The following SLC6A19 variants were observed in gnomAD, a reference collection of about 807,000 sequenced individuals.
The protein encoded by SLC6A19 is sodium-dependent neutral amino acid transporter B(0)AT1.
A neutral mutation model predicts 68.3 loss-of-function variants in SLC6A19; 67 were observed. That is an observed-to-expected ratio of 0.98 (90% CI 0.81 to 1.20). The LOEUF is 1.20. Ranked by LOEUF, SLC6A19 falls within the 50% of genes most tolerant of loss-of-function variation. The pLI is 0.00. For missense variants in SLC6A19, 813 were observed against 851.6 expected (o/e 0.95, Z 0.56); for synonymous variants, 392 against 374.9 (o/e 1.05, Z -0.53).
In SLC6A19 at chr5:1,215,786, T is replaced by C. The variant is rs1289809903; in HGVS notation, c.888-772T>C. ...TTGCTGCGTCATGCTGGCCTCTACA[T>C]GCAGTCCTTCGAGGAGCTGTCAGGC... On this transcript the variant is annotated intron_variant, in intron 6 of 11. Transcript: ENST00000304460. This position sits in a 1 kb window ranked among gnomAD's most constrained non-coding sequence, Gnocchi z 5.1. Among the ~76,000 whole-genome samples the C allele has an allele frequency of 6.6e-6, 1 of 152,222 alleles. No individual in the cohort carries two copies. The highest frequency in any genetic ancestry group is 1.5e-5 in the Non-Finnish European group (1 of 68,038).
Position 1,221,865 on chromosome 5 carries a change from A to G in SLC6A19, c.1866A>G (p.Thr622=), listed in dbSNP as rs546913497. ...GGGACCATCAGGGGCTGGTGAGCAC[A>G]CTGTCCACAGCCTCCATGAACGGGG... ...KPGDHQGLVS[T]LSTASMNGDL... is the part of the protein sequence containing the mutation. Residue 622 remains threonine, a synonymous_variant, in exon 12 of 12, where the codon ACA becomes ACG. Transcript: ENST00000304460. 6.3e-5 allele frequency: 102 copies of G among 1,614,188 alleles called. No homozygotes were observed. The highest frequency in any genetic ancestry group is 8.1e-5 in the Non-Finnish European group (96 of 1,180,038).
Position 1,209,277 on chromosome 5 carries a change from C to T in SLC6A19, c.343+391C>T, listed in dbSNP as rs1215494710. On this transcript the variant is annotated intron_variant, in intron 2 of 11. Transcript: ENST00000304460. The surrounding 1 kb of genome is among the most constrained non-coding windows in gnomAD (Gnocchi z 5.5). ...GTGAGGAGGTCCCCAGCACTGACACCCCCAGACATAGTCACTCATTTATAA... is the reference window on the plus strand; with the variant it reads ...GTGAGGAGGTCCCCAGCACTGACACTCCCAGACATAGTCACTCATTTATAA... 6.6e-6 allele frequency among the ~76,000 whole-genome samples: 1 copy of T among 152,158 alleles called. No homozygotes were observed. The highest frequency in any genetic ancestry group is 1.5e-5 in the Non-Finnish European group (1 of 68,020).
In SLC6A19 at chr5:1,214,011, CCTT is replaced by C. The variant is rs1188882343; in HGVS notation, c.836_838del (p.Phe279del). ...GACGCGGGCGCACAGGTCTTCTTCTCCTTCTCCCTGGCCTTCGGGGGCCTCATC... is the reference window on the plus strand; with the variant it reads ...GACGCGGGCGCACAGGTCTTCTTCTCCTCCCTGGCCTTCGGGGGCCTCATC... On this transcript the variant is annotated inframe_deletion, in exon 6 of 12. Coordinates refer to ENST00000304460, the MANE Select transcript of SLC6A19 (RefSeq NM_001003841.3). The surrounding 1 kb of genome is among the most constrained non-coding windows in gnomAD (Gnocchi z 7.4). 17 of 1,613,660 alleles carry C rather than the reference CCTT, an allele frequency of 1.1e-5. No homozygotes were observed. The highest frequency in any genetic ancestry group is 4.5e-5 in the East Asian group (2 of 44,894).
At chr5:1,217,951 G>T (rs1746252815) in intron 8 of SLC6A19, among the ~76,000 whole-genome samples, 1 of 152,140 alleles carries the variant, frequency 6.6e-6, no homozygotes, top group Non-Finnish European at 1.5e-5. Context: ...TCATGGCAGG[G>T]CTGCCCTCGG....
chr5:1,214,113 G>A lies in SLC6A19; in HGVS notation c.887+48G>A, dbSNP rs775916775. 6 of 1,612,748 alleles carry A rather than the reference G, an allele frequency of 3.7e-6. No individual in the cohort carries two copies. Among genetic ancestry groups the A allele is most frequent in the African/African-American group, 1.3e-5 (1 of 75,044 alleles). The stretch of plus-strand genomic sequence containing the variant: ...TCAGTTTCCCTCTCAGTCCTGGGGG[G>A]ATCTTGCTGGGAGGATAAAAGACAA... On this transcript the variant is annotated intron_variant, in intron 6 of 11. Coordinates refer to ENST00000304460, the MANE Select transcript of SLC6A19 (RefSeq NM_001003841.3). This position sits in a 1 kb window ranked among gnomAD's most constrained non-coding sequence, Gnocchi z 7.4.
intron 8 of SLC6A19, among the ~76,000 whole-genome samples, chr5:1,218,005 G>GCCCCTCCTCC (rs1554035168): frequency 6.7e-6 from 1 of 149,424 alleles, no homozygotes; most frequent in Non-Finnish European, 1.5e-5. Context: ...CTCCATCCTG[G>GCCCCTCCTCC]CGCCTCCTCC....
rs997686384 is a variant in SLC6A19, at chr5:1,209,455, G to A, written c.343+569G>A. ...TGAGTCCAGGAAGCACCTGCCCTTC[G>A]GAAGCCTGCAGGCCTGGAGCAGAGC... On this transcript the variant is annotated intron_variant, in intron 2 of 11. Transcript: ENST00000304460. The surrounding 1 kb of genome is among the most constrained non-coding windows in gnomAD (Gnocchi z 5.5). Among the ~76,000 whole-genome samples the A allele has an allele frequency of 2.0e-5, 3 of 152,040 alleles. No homozygotes were observed. Among genetic ancestry groups the A allele is most frequent in the African/African-American group, 7.3e-5 (3 of 41,378 alleles).
Position 1,212,406 on chromosome 5 carries a change from G to T in SLC6A19, c.585G>T (p.Trp195Cys). The change falls in exon 4 of 12, where the codon TGG (tryptophan) becomes TGT (cysteine). Residue 195 changes from tryptophan to cysteine, a missense_variant. Coordinates refer to ENST00000304460, the MANE Select transcript of SLC6A19 (RefSeq NM_001003841.3). This position sits in a 1 kb window ranked among gnomAD's most constrained non-coding sequence, Gnocchi z 5.1. ...TSISDSGSIQ[W>C]WMLLCLACAW... is the part of the protein sequence containing the mutation. ...TCAGCGACTCGGGCTCCATCCAGTG[G>T]TGGATGCTGCTGTGCCTGGCCTGCG... is the stretch of plus-strand genomic sequence containing the variant. 1 of 1,612,996 alleles carries T rather than the reference G, an allele frequency of 6.2e-7. No individual in the cohort carries two copies. The highest frequency in any genetic ancestry group is 1.7e-4 in the Middle Eastern group (1 of 6,060).
At chr5:1,216,108 G>A (rs1746199336) in intron 6 of SLC6A19, among the ~76,000 whole-genome samples, 1 of 152,212 alleles carries the variant, frequency 6.6e-6, no homozygotes, top group Admixed American at 6.5e-5. Flanking sequence ...ACTGAGCACA[G>A]GGTGCCTTTA....
rs1746085168 is a variant in SLC6A19, at chr5:1,212,941, C to T, written c.663+457C>T. ...GCCTGTGAGGCCCTGTCCCCGTTCCCACTCGTCCCACATGCCCCCCACCAC... is the reference window on the plus strand; with the variant it reads ...GCCTGTGAGGCCCTGTCCCCGTTCCTACTCGTCCCACATGCCCCCCACCAC... On this transcript the variant is annotated intron_variant, in intron 4 of 11. Transcript: ENST00000304460. The surrounding 1 kb of genome is among the most constrained non-coding windows in gnomAD (Gnocchi z 5.1). 6.6e-6 allele frequency among the ~76,000 whole-genome samples: 1 copy of T among 151,708 alleles called. No homozygotes were observed. The highest frequency in any genetic ancestry group is 1.5e-5 in the Non-Finnish European group (1 of 67,892).
In SLC6A19 at chr5:1,222,081, T is replaced by G; in HGVS notation, c.*177T>G. 1.4e-6 allele frequency: 1 copy of G among 702,342 alleles called. No individual in the cohort carries two copies. 43.5% of individuals were successfully genotyped at this position (702,342 alleles called of 1,614,324 possible). On this transcript the variant is annotated 3_prime_UTR_variant, in exon 12 of 12. Coordinates refer to ENST00000304460, the MANE Select transcript of SLC6A19 (RefSeq NM_001003841.3). ...TGTGCAGATATGTATCGTGTGTGCA[T>G]GTACATGCATGGGCACTGTGTGAGT...
At position 1,219,497 on chromosome 5, in the gene SLC6A19, G is replaced by A. The variant is rs1579517814; in HGVS notation, c.1379-8G>A. ...GGCGTGTGAGCAGCTCTGTCCCCCGGCCTGCAGGCCTCATCTGCCTGGGGA... is the reference window on the plus strand; with the variant it reads ...GGCGTGTGAGCAGCTCTGTCCCCCGACCTGCAGGCCTCATCTGCCTGGGGA... On this transcript the variant is annotated splice_region_variant and splice_polypyrimidine_tract_variant and intron_variant, in intron 9 of 11. Coordinates refer to ENST00000304460, the MANE Select transcript of SLC6A19 (RefSeq NM_001003841.3). 1 of 1,610,352 alleles carries A rather than the reference G, an allele frequency of 6.2e-7. No homozygotes were observed. Among genetic ancestry groups the A allele is most frequent in the African/African-American group, 1.3e-5 (1 of 75,060 alleles).
At chr5:1,207,278 G>C (rs1377791995) in intron 1 of SLC6A19, among the ~76,000 whole-genome samples, 1 of 152,234 alleles carries the variant, frequency 6.6e-6, no homozygotes, top group Non-Finnish European at 1.5e-5. Context: ...GCACCGTCAT[G>C]ATGCCCAGGA....
In SLC6A19 at chr5:1,213,527, C is replaced by T. The variant is rs202220597; in HGVS notation, c.728C>T (p.Thr243Met). The T allele has an allele frequency of 5.1e-5, 82 of 1,610,954 alleles. No homozygotes were observed. The highest frequency in any genetic ancestry group is 5.0e-4 in the Middle Eastern group (3 of 6,056). Residue 243 changes from threonine to methionine, a missense_variant, in exon 5 of 12, where the codon ACG becomes ATG. Thr to Met is a moderately conservative substitution (Grantham distance 81). Transcript: ENST00000304460. Reference sequence around the variant, plus strand: ...ACCATCTTCCTCATCCGAGGCCTGACGCTGAAGGGCGCCACCAATGGCATC... The same window carrying T: ...ACCATCTTCCTCATCCGAGGCCTGATGCTGAAGGGCGCCACCAATGGCATC... ...VLTIFLIRGL[T>M]LKGATNGIVF...
Position 1,221,217 on chromosome 5 carries a change from C to A in SLC6A19, c.1605C>A (p.Arg535=). ...ACATCTTCTGGCAAGTCACGTGGCG[C>A]GTGGTCAGCCCCCTGCTCATGCTGA... is the stretch of plus-strand genomic sequence containing the variant. ...KPNIFWQVTW[R]VVSPLLMLII... The change falls in exon 11 of 12, where the codon CGC becomes CGA. Residue 535 remains arginine, a synonymous_variant. Coordinates refer to ENST00000304460, the MANE Select transcript of SLC6A19 (RefSeq NM_001003841.3). 6.2e-7 allele frequency: 1 copy of A among 1,614,154 alleles called. No individual in the cohort carries two copies. The highest frequency in any genetic ancestry group is 2.2e-5 in the East Asian group (1 of 44,878).
Position 1,208,770 on chromosome 5 carries a change from T to A in SLC6A19, c.227T>A (p.Ile76Asn). 6.2e-7 allele frequency: 1 copy of A among 1,613,414 alleles called. No individual in the cohort carries two copies. Among genetic ancestry groups the A allele is most frequent in the Non-Finnish European group, 8.5e-7 (1 of 1,180,008 alleles). Reference protein sequence around the residue: ...GGGAFMIPFLILLVLEGIPLL... With the variant: ...GGGAFMIPFLNLLVLEGIPLL... ...GGAGCCTTCATGATCCCGTTCCTCA[T>A]CCTGCTGGTCCTGGAGGGCATCCCC... Residue 76 changes from isoleucine to asparagine, a missense_variant, in exon 2 of 12, where the codon ATC (isoleucine) becomes AAC (asparagine). By Grantham distance (149) the Ile-to-Asn change is moderately radical. Coordinates refer to ENST00000304460, the MANE Select transcript of SLC6A19 (RefSeq NM_001003841.3).
At position 1,221,751 on chromosome 5, in the gene SLC6A19, G is replaced by A; in HGVS notation, c.1752G>A (p.Val584=). 1.2e-6 allele frequency: 2 copies of A among 1,614,120 alleles called. No individual in the cohort carries two copies. Among genetic ancestry groups the A allele is most frequent in the Non-Finnish European group, 1.7e-6 (2 of 1,179,960 alleles). Residue 584 remains valine (V), a synonymous_variant, in exon 12 of 12, where the codon GTG becomes GTA. Transcript: ENST00000304460. ...QKISYPNWVY[V]VVVIVAGVPS... ...TCTCCTACCCGAACTGGGTGTATGT[G>A]GTGGTGGTGATTGTGGCTGGAGTGC...
In SLC6A19 at chr5:1,216,737, C is replaced by A. The variant is rs558844060; in HGVS notation, c.1016+51C>A. ...TGCCTTGGGCTGCGCCTCCAGGAAG[C>A]CTCCCAGCCTCCCTGGCCCCAGGTG... On this transcript the variant is annotated intron_variant, in intron 7 of 11. Coordinates refer to ENST00000304460, the MANE Select transcript of SLC6A19 (RefSeq NM_001003841.3). The A allele has an allele frequency of 1.0e-4, 168 of 1,613,640 alleles. 1 individual carries two copies. The South Asian group carries it at 1.7e-3, about 16-fold the overall frequency.
chr5:1,217,869 AC>A (rs1204352832), intron 8 of SLC6A19, among the ~76,000 whole-genome samples: 1 of 151,570 alleles, frequency 6.6e-6, no homozygotes, highest in East Asian at 1.9e-4. Flanking sequence ...AGCCCCAGGC[AC>A]CCCCTCTGCT....
Sources: allele counts gnomAD v4.1 joint callset (sites outside exome capture counted in the v4.1 genomes callset), GRCh38; gene constraint gnomAD v4.1.1; non-coding constraint Gnocchi (gnomAD v3.1); transcripts MANE v1.5; gene names NCBI Gene and HGNC (gene_info 2026-07-23, HGNC 2026-07-21).